Variants in VMP1 observed in about 807,000 individuals in gnomAD.
The protein encoded by VMP1 is vacuole membrane protein 1.
In VMP1, 11 loss-of-function variants were observed where a neutral mutation model predicts 56.0. That is an observed-to-expected ratio of 0.20 (90% CI 0.12 to 0.32). The LOEUF is 0.32. Among genes scored for constraint, VMP1 ranks in the 10% least tolerant of loss-of-function variants. VMP1 has a pLI of 1.00. For synonymous variants in VMP1, 149 were observed against 165.0 expected (o/e 0.90, Z 0.74); for missense variants, 296 against 490.3 (o/e 0.60, Z 3.74).
At chr17:59,713,178 A>G (rs1407431599) in intron 1 of VMP1, among the ~76,000 whole-genome samples, 5 of 150,252 alleles carry the variant, frequency 3.3e-5, no homozygotes, top group African/African-American at 1.2e-4. Flanking sequence ...AGAAAAGGAC[A>G]TGTTAATTTT....
At chr17:59,808,346 T>G (rs2037922318) in intron 7 of VMP1, among the ~76,000 whole-genome samples, 1 of 152,256 alleles carries the variant, frequency 6.6e-6, no homozygotes, top group Admixed American at 6.5e-5. Flanking sequence ...GTTCTTTTGC[T>G]TCTGGGATAA....
intron 7 of VMP1, among the ~76,000 whole-genome samples, chr17:59,800,101 C>T (rs904930629): frequency 1.3e-5 from 2 of 152,032 alleles, no homozygotes; most frequent in Admixed American, 1.3e-4. Flanking sequence ...TTTAAAATAA[C>T]TCAAAGAGCC....
At chr17:59,758,256 A>C (rs1189339737) in intron 5 of VMP1, among the ~76,000 whole-genome samples, 2 of 152,152 alleles carry the variant, frequency 1.3e-5, no homozygotes, top group Non-Finnish European at 2.9e-5. Flanking sequence ...GTCTTGGCAA[A>C]TATTCCATGT....
chr17:59,764,762 T>A (rs1464548670), intron 5 of VMP1, among the ~76,000 whole-genome samples: 2 of 152,164 alleles, frequency 1.3e-5, no homozygotes, highest in African/African-American at 4.8e-5. Flanking sequence ...CCTCAATAAA[T>A]CTGATTTTTT....
chr17:59,796,138 C>G (rs1234665237), intron 7 of VMP1, among the ~76,000 whole-genome samples: 2 of 152,210 alleles, frequency 1.3e-5, no homozygotes, highest in Non-Finnish European at 2.9e-5. Flanking sequence ...CTTCCATACA[C>G]ATACCCTAAA....
intron 10 of VMP1, among the ~76,000 whole-genome samples, chr17:59,818,538 G>C (rs946409456): frequency 4.6e-5 from 7 of 152,044 alleles, no homozygotes; most frequent in Admixed American, 3.9e-4. Flanking sequence ...TGGGAGGCCA[G>C]GGCAGGCGGA....
At chr17:59,730,386 C>A (rs1327664239) in intron 1 of VMP1, among the ~76,000 whole-genome samples, 1 of 152,078 alleles carries the variant, frequency 6.6e-6, no homozygotes, top group Non-Finnish European at 1.5e-5. Flanking sequence ...CCACCTCAGC[C>A]TCCTGAGCAA....
At chr17:59,801,958 T>C (rs1485177359) in intron 7 of VMP1, among the ~76,000 whole-genome samples, 4 of 152,050 alleles carry the variant, frequency 2.6e-5, no homozygotes, top group Non-Finnish European at 5.9e-5. Flanking sequence ...CCCAGCACTT[T>C]GGGAGGCCAA....
Position 59,787,584 on chromosome 17 carries a change from G to T in VMP1, c.714+13699G>T, listed in dbSNP as rs150097796. Among the ~76,000 whole-genome samples, 1,166 of 152,270 alleles carry T rather than the reference G, an allele frequency of 7.7e-3. 18 individuals carry two copies. The highest frequency in any genetic ancestry group is 0.027 in the African/African-American group (1,133 of 41,538). On this transcript the variant is annotated intron_variant, in intron 7 of 11. Coordinates refer to ENST00000262291, the MANE Select transcript of VMP1 (RefSeq NM_030938.5). ...CGACTGTAATCCCAGCATTTTGGGA[G>T]GCTGAGGCGGGTGGATCACCTGAGG... is the stretch of plus-strand genomic sequence containing the variant.
chr17:59,713,956 G>C (rs1012828124), intron 1 of VMP1, among the ~76,000 whole-genome samples: 1 of 149,382 alleles, frequency 6.7e-6, no homozygotes, highest in Non-Finnish European at 1.5e-5. Flanking sequence ...CATTAGAATC[G>C]CTTGAACCCG....
intron 7 of VMP1, among the ~76,000 whole-genome samples, chr17:59,798,274 A>G (rs1568168151): frequency 5.9e-5 from 9 of 152,160 alleles, no homozygotes. Flanking sequence ...TTTTTGGCAC[A>G]ACACTCTGAA....
intron 7 of VMP1, among the ~76,000 whole-genome samples, chr17:59,801,209 GT>G (rs890796123): frequency 1.4e-5 from 2 of 147,960 alleles, no homozygotes; most frequent in African/African-American, 5.0e-5. Flanking sequence ...TGTGTCATTG[GT>G]TTATATATTT....
chr17:59,747,657 C>T (rs1194427044), intron 5 of VMP1, among the ~76,000 whole-genome samples: 1 of 151,516 alleles, frequency 6.6e-6, no homozygotes, highest in African/African-American at 2.4e-5. Context: ...GTGATCCACC[C>T]GCTTTGGCCT....
intron 7 of VMP1, among the ~76,000 whole-genome samples, chr17:59,799,948 A>T (rs1221957308): frequency 6.9e-6 from 1 of 145,754 alleles, no homozygotes; most frequent in Non-Finnish European, 1.5e-5. Context: ...TTCCTCTCAA[A>T]AAAAAAAAAA....
chr17:59,768,051 A>T (rs1490414001), intron 6 of VMP1, among the ~76,000 whole-genome samples: 2 of 152,082 alleles, frequency 1.3e-5, no homozygotes, highest in African/African-American at 2.4e-5. Flanking sequence ...CAGAGGTTGC[A>T]GTGAGCCAAG....
chr17:59,792,878 T>TAATAATAA (rs200472779), intron 7 of VMP1, among the ~76,000 whole-genome samples: 3 of 70,492 alleles, frequency 4.3e-5, no homozygotes, highest in Admixed American at 1.7e-4. Flanking sequence ...ATAATAATAA[T>TAATAATAA]TATTATTATT....
chr17:59,794,493 C>T (rs2037362713), intron 7 of VMP1, among the ~76,000 whole-genome samples: 1 of 139,274 alleles, frequency 7.2e-6, no homozygotes, highest in African/African-American at 2.7e-5. Context: ...GCTGGGATTA[C>T]AGGTGTGAGC....
intron 5 of VMP1, among the ~76,000 whole-genome samples, chr17:59,745,463 G>T (rs1249628642): frequency 2.6e-5 from 4 of 152,108 alleles, no homozygotes; most frequent in Non-Finnish European, 2.9e-5. Context: ...AGAGTCAAAG[G>T]TTTCAAAATC....
intron 6 of VMP1, among the ~76,000 whole-genome samples, chr17:59,769,569 C>G: frequency 6.6e-6 from 1 of 152,182 alleles, no homozygotes; most frequent in Non-Finnish European, 1.5e-5. Context: ...AAAATTAGCA[C>G]TCCAAGAAGA....
Sources: gnomAD v4.1 joint callset for allele counts (sites outside exome capture counted in the v4.1 genomes callset) on GRCh38, gnomAD v4.1.1 for gene constraint, MANE v1.5 for transcripts, NCBI Gene and HGNC (gene_info 2026-07-23, HGNC 2026-07-21) for gene names.